Variants in CPEB3 observed in about 807,000 individuals in gnomAD.
CPEB3 encodes cytoplasmic polyadenylation element binding protein 3.
CPEB3 carries 20 observed loss-of-function variants against 67.2 expected under a neutral mutation model. That is an observed-to-expected ratio of 0.30 (90% CI 0.21 to 0.43). CPEB3 has a LOEUF of 0.43. Ranked by LOEUF, CPEB3 falls within the 20% of genes least tolerant of loss-of-function variation. The probability of loss-of-function intolerance (pLI) is 1.00; values close to 1 mark genes in which losing one functional copy is unlikely to be tolerated. For missense variants in CPEB3, 746 were observed against 968.6 expected (o/e 0.77, Z 3.05); for synonymous variants, 376 against 393.1 (o/e 0.96, Z 0.51).
intron 9 of CPEB3, among the ~76,000 whole-genome samples, chr10:92,057,043 G>C (rs1041545105): frequency 1.2e-4 from 18 of 152,204 alleles, no homozygotes; most frequent in Non-Finnish European, 2.5e-4. Context: ...GCTAGCTGAA[G>C]AGCCCTTGGG....
chr10:92,120,421 A>G (rs1172075806), intron 6 of CPEB3, among the ~76,000 whole-genome samples: 1 of 152,054 alleles, frequency 6.6e-6, no homozygotes, highest in Non-Finnish European at 1.5e-5. Flanking sequence ...TGTCTCTACT[A>G]GAAATACAAA....
At chr10:92,217,632 C>T (rs970530960) in intron 2 of CPEB3, among the ~76,000 whole-genome samples, 26 of 151,904 alleles carry the variant, frequency 1.7e-4, no homozygotes, top group Admixed American at 5.9e-4. Flanking sequence ...CGTGGTGGCA[C>T]ATGCCTGTAA....
chr10:92,058,142 C>T (rs1173990914), intron 9 of CPEB3, among the ~76,000 whole-genome samples: 1 of 152,124 alleles, frequency 6.6e-6, no homozygotes, highest in East Asian at 1.9e-4. Flanking sequence ...GATATGTGAC[C>T]TTTCAGACAG....
intron 1 of CPEB3, among the ~76,000 whole-genome samples, chr10:92,249,551 G>A (rs766994669): frequency 6.6e-6 from 1 of 152,020 alleles, no homozygotes; most frequent in Non-Finnish European, 1.5e-5. Flanking sequence ...GGGAGGTTGA[G>A]GCAGGAGAAT....
intron 6 of CPEB3, chr10:92,118,599 A>G (rs1257486779): frequency 2.5e-6 from 1 of 392,396 alleles, no homozygotes; most frequent in Non-Finnish European, 4.8e-6. Flanking sequence ...AAGCCTAGGG[A>G]ACTGTCTAAA....
At chr10:92,284,012 C>G (rs919786253) in intron 1 of CPEB3, among the ~76,000 whole-genome samples, 3 of 149,290 alleles carry the variant, frequency 2.0e-5, no homozygotes, top group African/African-American at 7.4e-5. Context: ...CAGGTGTGAG[C>G]CACTGTGCCC....
intron 1 of CPEB3, among the ~76,000 whole-genome samples, chr10:92,271,713 T>C (rs1024318368): frequency 1.1e-4 from 16 of 152,338 alleles, no homozygotes; most frequent in African/African-American, 3.8e-4. Flanking sequence ...GTTAAAATAG[T>C]GTCTACCAGA....
At chr10:92,128,300 G>A (rs1329143187) in intron 6 of CPEB3, among the ~76,000 whole-genome samples, 1 of 152,164 alleles carries the variant, frequency 6.6e-6, no homozygotes, top group Non-Finnish European at 1.5e-5. Flanking sequence ...ATACAGTATA[G>A]TAACACTGAT....
chr10:92,114,443 A>C (rs2133527361), intron 6 of CPEB3, among the ~76,000 whole-genome samples: 1 of 152,374 alleles, frequency 6.6e-6, no homozygotes, highest in East Asian at 1.9e-4. Flanking sequence ...ATGATTTACT[A>C]AAAGGTAAAT....
At chr10:92,136,315 CA>C (rs964271082) in intron 6 of CPEB3, among the ~76,000 whole-genome samples, 5 of 152,174 alleles carry the variant, frequency 3.3e-5, no homozygotes, top group Non-Finnish European at 7.4e-5. Context: ...CAAGCAAAGG[CA>C]ACCAAAGCAA....
intron 3 of CPEB3, among the ~76,000 whole-genome samples, chr10:92,186,703 G>A (rs59386062): frequency 0.31 from 47,092 of 151,962 alleles, 7,607 homozygotes; most frequent in Admixed American, 0.43. Context: ...CCAAAGTGCT[G>A]GGATTATAGG....
At position 92,250,858 on chromosome 10, in the gene CPEB3, A is replaced by ATTT. The variant is rs1211646953; in HGVS notation, c.-11-10500_-11-10498dup. ...GCGCCTGCCACCACACACACAGTTA[A>ATTT]TTTTTTTTTTTTTTTTTTTTTTTTT... On this transcript the variant is annotated intron_variant, in intron 1 of 9. Coordinates refer to ENST00000265997, the MANE Select transcript of CPEB3 (RefSeq NM_014912.5). Among the ~76,000 whole-genome samples, 205 of 104,114 alleles carry ATTT rather than the reference A, an allele frequency of 2.0e-3. 5 individuals carry two copies. The highest frequency in any genetic ancestry group is 2.7e-3 in the Non-Finnish European group (139 of 52,384). The allele number at this position is 104,114 out of a possible 152,430, so 68.3% of individuals were successfully genotyped here. A position where few individuals can be genotyped will look rare whatever the true frequency, so the allele number is the denominator to read the frequency against.
At chr10:92,280,343 CAAAAAAAAAAA>C (rs60338900) in intron 1 of CPEB3, among the ~76,000 whole-genome samples, 40 of 37,818 alleles carry the variant, frequency 1.1e-3, no homozygotes, top group African/African-American at 3.8e-3. Context: ...AACTCCATCT[CAAAAAAAAAAA>C]AAAAAAAAAA....
chr10:92,252,005 A>G (rs1373675534), intron 1 of CPEB3, among the ~76,000 whole-genome samples: 1 of 152,068 alleles, frequency 6.6e-6, no homozygotes, highest in Admixed American at 6.6e-5. Flanking sequence ...TATTCGAATA[A>G]AAACTCACAG....
At chr10:92,164,505 T>C (rs1847644158) in intron 4 of CPEB3, among the ~76,000 whole-genome samples, 1 of 152,210 alleles carries the variant, frequency 6.6e-6, no homozygotes, top group Admixed American at 6.5e-5. Context: ...TAATCTCCCT[T>C]CTCGCCATAG....
intron 1 of CPEB3, among the ~76,000 whole-genome samples, chr10:92,266,549 TC>T (rs1564920348): frequency 6.6e-6 from 1 of 152,008 alleles, no homozygotes; most frequent in African/African-American, 2.4e-5. Context: ...CCTCTTTCCG[TC>T]TACATGCATG....
At chr10:92,274,024 T>C (rs1449212250) in intron 1 of CPEB3, among the ~76,000 whole-genome samples, 2 of 152,178 alleles carry the variant, frequency 1.3e-5, no homozygotes, top group South Asian at 2.1e-4. Flanking sequence ...CTGTAATAAA[T>C]CACTTTTACT....
intron 1 of CPEB3, among the ~76,000 whole-genome samples, chr10:92,266,177 T>A (rs953776022): frequency 6.6e-6 from 1 of 152,102 alleles, no homozygotes; most frequent in Non-Finnish European, 1.5e-5. Context: ...AGAAATAAAT[T>A]TATTTTCTTT....
intron 6 of CPEB3, among the ~76,000 whole-genome samples, chr10:92,135,332 C>T (rs980343972): frequency 1.3e-5 from 2 of 151,964 alleles, no homozygotes; most frequent in Non-Finnish European, 2.9e-5. Flanking sequence ...AAAACAACCC[C>T]AATAAAAAGT....
Sources: allele counts gnomAD v4.1 joint callset (sites outside exome capture counted in the v4.1 genomes callset), GRCh38; gene constraint gnomAD v4.1.1; transcripts MANE v1.5; gene names NCBI Gene and HGNC (gene_info 2026-07-23, HGNC 2026-07-21).